SRPK2: variants seen among roughly 807,000 people sequenced by gnomAD.
The protein encoded by SRPK2 is SRSF protein kinase 2.
In SRPK2, 21 loss-of-function variants were observed where a neutral mutation model predicts 90.8. The ratio of observed to expected loss-of-function variants is 0.23; its 90% CI spans 0.16 to 0.33. SRPK2 has a LOEUF of 0.33. Ranked by LOEUF, SRPK2 falls within the 10% of genes least tolerant of loss-of-function variation. The pLI is 1.00. For missense variants in SRPK2, 620 were observed against 869.0 expected (o/e 0.71, Z 3.60); for synonymous variants, 288 against 311.1 (o/e 0.93, Z 0.78).
At chr7:105,392,987 A>AT (rs113221953), upstream of SRPK2, among the ~76,000 whole-genome samples, 2,459 of 94,998 alleles carry the variant, frequency 0.026, 60 homozygotes, top group East Asian at 0.075. Flanking sequence ...TAATTTTTGT[A>AT]TTTTTTTTTT....
intron 2 of SRPK2, among the ~76,000 whole-genome samples, chr7:105,385,591 C>T (rs1821483311): frequency 6.6e-6 from 1 of 152,156 alleles, no homozygotes; most frequent in Non-Finnish European, 1.5e-5. Context: ...CTCTGGGCCA[C>T]TCAGGCCACT....
intron 2 of SRPK2, among the ~76,000 whole-genome samples, chr7:105,339,504 C>A (rs1815493910): frequency 1.3e-5 from 2 of 152,118 alleles, no homozygotes; most frequent in African/African-American, 4.8e-5. Flanking sequence ...AAGAAACATC[C>A]ACCTGAGATA....
At chr7:105,332,587 A>G (rs576773668) in intron 2 of SRPK2, among the ~76,000 whole-genome samples, 20 of 152,082 alleles carry the variant, frequency 1.3e-4, no homozygotes, top group Non-Finnish European at 2.5e-4. Flanking sequence ...AACATGGTGA[A>G]ACCCTATCTG....
chr7:105,167,849 G>A (rs1790282127), intron 5 of SRPK2, among the ~76,000 whole-genome samples, 159 bp downstream of exon 5: 1 of 152,130 alleles, frequency 6.6e-6, no homozygotes, highest in Admixed American at 6.6e-5. Flanking sequence ...GACCTCAAGT[G>A]ATCTGCTCGC....
intron 2 of SRPK2, among the ~76,000 whole-genome samples, chr7:105,305,216 G>C (rs1811009330): frequency 6.6e-6 from 1 of 152,140 alleles, no homozygotes; most frequent in African/African-American, 2.4e-5. Flanking sequence ...GAGGCAGGCA[G>C]ATCACCTGAA....
At chr7:105,225,021 G>T (rs1033124636) in intron 2 of SRPK2, among the ~76,000 whole-genome samples, 5 of 152,082 alleles carry the variant, frequency 3.3e-5, no homozygotes, top group African/African-American at 1.2e-4. Flanking sequence ...TTACCTAGAA[G>T]ACTGCCACCA....
rs201930281 is a variant in SRPK2 at position 105,187,516 on chromosome 7, CCACAGGTAGTT to C, written c.229+16101_229+16111del. Among the ~76,000 whole-genome samples the C allele has an allele frequency of 2.3e-3, 352 of 152,314 alleles. 10 individuals are homozygous for C. In the East Asian group the frequency reaches 0.044, roughly 19 times the overall value. On this transcript the variant is annotated intron_variant, in intron 3 of 15. Coordinates refer to ENST00000393651, the MANE Select transcript of SRPK2 (RefSeq NM_182692.3). ...CACACATGAGTCTCTAGAGAATTCCCCACAGGTAGTTCACTGTTCCTGTCAGCTTTTACCTT... is the reference window on the plus strand; with the variant it reads ...CACACATGAGTCTCTAGAGAATTCCCCACTGTTCCTGTCAGCTTTTACCTT...
chr7:105,386,632 C>G (rs993120027), intron 2 of SRPK2, among the ~76,000 whole-genome samples: 18 of 151,770 alleles, frequency 1.2e-4, no homozygotes, highest in African/African-American at 4.1e-4. Flanking sequence ...CAGGAGAATC[C>G]CTTGAACCTG....
At chr7:105,376,892 C>T (rs1190241908) in intron 2 of SRPK2, among the ~76,000 whole-genome samples, 3 of 137,906 alleles carry the variant, frequency 2.2e-5, no homozygotes, top group Non-Finnish European at 3.1e-5. Flanking sequence ...TACACACACA[C>T]ACACACACAC....
At chr7:105,228,547 G>A (rs1278374393) in intron 2 of SRPK2, among the ~76,000 whole-genome samples, 1 of 152,180 alleles carries the variant, frequency 6.6e-6, no homozygotes, top group Non-Finnish European at 1.5e-5. Flanking sequence ...GGAGACGGGC[G>A]CAGTGGCTCA....
At chr7:105,223,498 C>T (rs1274691004) in intron 2 of SRPK2, among the ~76,000 whole-genome samples, 2 of 152,220 alleles carry the variant, frequency 1.3e-5, no homozygotes, top group Admixed American at 6.5e-5. Context: ...AGCCATTCTT[C>T]CTTATTTTAG....
rs540624870 is a variant in SRPK2, at chr7:105,167,598, C to CTTTA, written c.427-138_427-135dup. 1.6e-3 allele frequency: 811 copies of CTTTA among 496,498 alleles called. 2 individuals are homozygous for CTTTA. The highest frequency in any genetic ancestry group is 0.011 in the African/African-American group (529 of 49,584). 30.8% of individuals were successfully genotyped at this position (496,498 alleles called of 1,614,324 possible). A position where few individuals can be genotyped will look rare whatever the true frequency, so the allele number is the denominator to read the frequency against. On this transcript the variant is annotated intron_variant, in intron 5 of 15. Coordinates refer to ENST00000393651, the MANE Select transcript of SRPK2 (RefSeq NM_182692.3). Reference sequence around the variant, plus strand: ...TCATCACAAAGTTATAAAAAATAAACTTTATTTATTTATTTATTTATTTAT... The same window carrying CTTTA: ...TCATCACAAAGTTATAAAAAATAAACTTTATTTATTTATTTATTTATTTATTTAT...
intron 7 of SRPK2, among the ~76,000 whole-genome samples, chr7:105,148,486 A>C (rs528970798): frequency 3.3e-5 from 5 of 152,218 alleles, no homozygotes; most frequent in Non-Finnish European, 7.3e-5. Context: ...TCCATAAACA[A>C]AATTTATTTT....
At chr7:105,129,363 A>T (rs1446033202) in intron 13 of SRPK2, among the ~76,000 whole-genome samples, 1 of 152,100 alleles carries the variant, frequency 6.6e-6, no homozygotes, top group Non-Finnish European at 1.5e-5. Flanking sequence ...TGCACATTAC[A>T]ATGAAAAAAA....
rs77217340 is a variant in SRPK2 at position 105,317,649 on chromosome 7, C to G, written c.71+70999G>C. ...TTTCAACAAAAATAACATATCACAA[C>G]AGACTGAAGGCAGACACATATATGA... On this transcript the variant is annotated intron_variant, in intron 2 of 15. Coordinates refer to ENST00000393651, the MANE Select transcript of SRPK2 (RefSeq NM_182692.3). Among the ~76,000 whole-genome samples the G allele has an allele frequency of 2.2e-3, 342 of 152,298 alleles. 11 individuals carry two copies. The East Asian group carries it at 0.051, about 23-fold the overall frequency.
chr7:105,223,179 C>T lies in SRPK2; in HGVS notation c.72-19394G>A, dbSNP rs59838199. On this transcript the variant is annotated intron_variant, in intron 2 of 15. Coordinates refer to ENST00000393651, the MANE Select transcript of SRPK2 (RefSeq NM_182692.3). Reference sequence around the variant, plus strand: ...TCCATTTGTCCAGACCGGGCTCAAGCGCAATAAATCCAAAAAACATCTGTC... The same window carrying T: ...TCCATTTGTCCAGACCGGGCTCAAGTGCAATAAATCCAAAAAACATCTGTC... 5.3e-5 allele frequency among the ~76,000 whole-genome samples: 8 copies of T among 152,296 alleles called. No homozygotes were observed. In the East Asian group the frequency reaches 1.2e-3, roughly 22 times the overall value.
chr7:105,149,817 A>G (rs1805357570), intron 7 of SRPK2, among the ~76,000 whole-genome samples: 1 of 152,252 alleles, frequency 6.6e-6, no homozygotes, highest in Admixed American at 6.5e-5. Context: ...GAAAACAGGA[A>G]TACCTCTTAA....
chr7:105,292,383 C>T (rs1404700807), intron 2 of SRPK2, among the ~76,000 whole-genome samples: 2 of 149,618 alleles, frequency 1.3e-5, no homozygotes, highest in African/African-American at 4.9e-5. Flanking sequence ...CGGCATATGC[C>T]TGTAATCCCA....
chr7:105,386,254 C>T (rs2132779294), intron 2 of SRPK2, among the ~76,000 whole-genome samples: 1 of 145,888 alleles, frequency 6.9e-6, no homozygotes, highest in South Asian at 2.2e-4. Flanking sequence ...GCGGAGCTTG[C>T]AGTGAGCCGA....
Sources: allele counts gnomAD v4.1 joint callset (sites outside exome capture counted in the v4.1 genomes callset), GRCh38; gene constraint gnomAD v4.1.1; transcripts MANE v1.5; gene names NCBI Gene and HGNC (gene_info 2026-07-23, HGNC 2026-07-21).